Variants in TAS2R1 observed in about 807,000 individuals in gnomAD.
The protein encoded by TAS2R1 is taste 2 receptor member 1, also known as taste receptor type 2 member 1.
For synonymous variants in TAS2R1, 141 were observed against 134.2 expected, an observed-to-expected ratio of 1.05 and a Z score of -0.35; for missense variants, 370 against 353.4, an observed-to-expected ratio of 1.05 and a Z score of -0.38.
intron 1 of TAS2R1, among the ~76,000 whole-genome samples, chr5:9,701,117 G>A (rs1311502125): frequency 6.6e-6 from 1 of 151,952 alleles, no homozygotes; most frequent in South Asian, 2.1e-4. Context: ...AGCGGAAGTG[G>A]GCAGAACAAA....
the TAS2R1 span, among the ~76,000 whole-genome samples, chr5:9,739,339 AG>A: frequency 0.023 from 3,509 of 152,298 alleles, 141 homozygotes; most frequent in African/African-American, 0.08. Flanking sequence ...TCTGCAGGTC[AG>A]GGTGTCAACA....
chr5:9,761,234 TCTTC>T, the TAS2R1 span, among the ~76,000 whole-genome samples: 1 of 152,344 alleles, frequency 6.6e-6, no homozygotes, highest in East Asian at 1.9e-4. Flanking sequence ...AGAAAATACA[TCTTC>T]CTCTGAGAAT....
chr5:9,797,130 G>C, the TAS2R1 span, among the ~76,000 whole-genome samples: 1 of 152,182 alleles, frequency 6.6e-6, no homozygotes, highest in Non-Finnish European at 1.5e-5. Flanking sequence ...TGGGGGATGA[G>C]AGGATGTCAC....
intron 1 of TAS2R1, among the ~76,000 whole-genome samples, chr5:9,667,628 A>G (rs1740663615): frequency 6.6e-6 from 1 of 152,178 alleles, no homozygotes; most frequent in South Asian, 2.1e-4. Flanking sequence ...ACACCCAACA[A>G]AAGAAATGTG....
chr5:9,811,575 C>T, the TAS2R1 span, among the ~76,000 whole-genome samples: 1 of 152,130 alleles, frequency 6.6e-6, no homozygotes, highest in Non-Finnish European at 1.5e-5. Flanking sequence ...GCATTTGCTC[C>T]ATCTCCTCTG....
the TAS2R1 span, among the ~76,000 whole-genome samples, chr5:9,793,232 G>T: frequency 2.0e-5 from 3 of 152,194 alleles, no homozygotes; most frequent in Admixed American, 6.5e-5. Context: ...ATTAGGAGGG[G>T]AAAGGGCATA....
chr5:9,640,452 C>T (rs1437548509), intron 2 of TAS2R1, among the ~76,000 whole-genome samples: 2 of 131,376 alleles, frequency 1.5e-5, no homozygotes, highest in East Asian at 4.3e-4. Context: ...AAAATGACCC[C>T]GATAAACTTG....
the TAS2R1 span, among the ~76,000 whole-genome samples, chr5:9,736,729 A>G: frequency 2.6e-3 from 402 of 152,024 alleles, no homozygotes; most frequent in Non-Finnish European, 2.5e-3. Context: ...TGTATAACAT[A>G]CCCCATCTCC....
At chr5:9,647,148 A>G (rs1402643612) in intron 2 of TAS2R1, among the ~76,000 whole-genome samples, 1 of 152,076 alleles carries the variant, frequency 6.6e-6, no homozygotes, top group Non-Finnish European at 1.5e-5. Context: ...TTAATACAGA[A>G]CCACATCAAA....
the TAS2R1 span, among the ~76,000 whole-genome samples, chr5:9,895,121 T>C: frequency 6.6e-6 from 1 of 152,124 alleles, no homozygotes; most frequent in African/African-American, 2.4e-5. Flanking sequence ...GCCTCGGCTT[T>C]CTCATGCCTA....
the TAS2R1 span, among the ~76,000 whole-genome samples, chr5:9,826,670 G>A: frequency 6.6e-6 from 1 of 152,142 alleles, no homozygotes; most frequent in Non-Finnish European, 1.5e-5. Context: ...AAAAAAAGAG[G>A]TTTGCTTTTT....
the TAS2R1 span, among the ~76,000 whole-genome samples, chr5:9,881,828 C>T: frequency 6.6e-6 from 1 of 152,108 alleles, no homozygotes; most frequent in Non-Finnish European, 1.5e-5. Context: ...AAACTGGGCC[C>T]CTTCCTTATA....
intron 1 of TAS2R1, among the ~76,000 whole-genome samples, chr5:9,694,328 G>C (rs1741314371): frequency 6.6e-6 from 1 of 152,134 alleles, no homozygotes; most frequent in Admixed American, 6.6e-5. Context: ...ATTTTCCGTA[G>C]TTACAAATCA....
At chr5:9,676,272 A>T (rs1420389758) in intron 1 of TAS2R1, among the ~76,000 whole-genome samples, 1 of 152,182 alleles carries the variant, frequency 6.6e-6, no homozygotes, top group Non-Finnish European at 1.5e-5. Context: ...GAGGAAAAGA[A>T]AACTATATAT....
chr5:9,731,700 C>G, the TAS2R1 span, among the ~76,000 whole-genome samples: 2 of 152,248 alleles, frequency 1.3e-5, no homozygotes, highest in African/African-American at 4.8e-5. Flanking sequence ...GGAAAGGCCA[C>G]AGTTCCCATG....
chr5:9,860,030 G>C, the TAS2R1 span, among the ~76,000 whole-genome samples: 2 of 152,190 alleles, frequency 1.3e-5, no homozygotes, highest in African/African-American at 2.4e-5. Context: ...AACTTTCAGA[G>C]ACATAAGCTT....
the TAS2R1 span, among the ~76,000 whole-genome samples, chr5:9,734,338 C>T: frequency 6.6e-6 from 1 of 152,138 alleles, no homozygotes; most frequent in African/African-American, 2.4e-5. Flanking sequence ...AACTCACTAC[C>T]TTTAAATATT....
the TAS2R1 span, among the ~76,000 whole-genome samples, chr5:9,754,305 T>G: frequency 2.0e-5 from 3 of 152,276 alleles, no homozygotes; most frequent in African/African-American, 4.8e-5. Flanking sequence ...AATATCATAC[T>G]GAATGGGCAA....
At chr5:9,651,202 T>G (rs1381048992) in intron 2 of TAS2R1, among the ~76,000 whole-genome samples, 1 of 152,146 alleles carries the variant, frequency 6.6e-6, no homozygotes, top group East Asian at 1.9e-4. Context: ...AGGTGATCGA[T>G]TTGGCAGTCC....
Sources: allele counts gnomAD v4.1 joint callset (sites outside exome capture counted in the v4.1 genomes callset), GRCh38; gene constraint gnomAD v4.1.1; transcripts MANE v1.5; gene names NCBI Gene and HGNC (gene_info 2026-07-23, HGNC 2026-07-21).